Variants in ANO3 observed in about 807,000 individuals in gnomAD.
ANO3 encodes the protein anoctamin 3, also known as anoctamin-3.
A neutral mutation model predicts 144.8 loss-of-function variants in ANO3; 99 were observed. The ratio of observed to expected loss-of-function variants is 0.68; its 90% CI spans 0.58 to 0.81. The LOEUF (loss-of-function observed/expected upper bound fraction) is 0.81, where lower values mean the gene tolerates loss of function less well. Ranked by LOEUF, ANO3 falls within the 30% of genes least tolerant of loss-of-function variation. ANO3 has a pLI of 0.00. For synonymous variants in ANO3, 414 were observed against 392.6 expected (o/e 1.05, Z -0.64); for missense variants, 905 against 1,202.2 (o/e 0.75, Z 3.66).
chr11:26,309,683 AAG>A, exon 1 of ANO3: 1 of 985,328 alleles, frequency 1.0e-6, no homozygotes, highest in East Asian at 1.1e-4. Context: ...TGAGCTTGAG[AAG>A]AGTGTGTGGG....
At chr11:26,225,333 G>A (rs1412617814) in intron 1 of ANO3, among the ~76,000 whole-genome samples, 1 of 151,966 alleles carries the variant, frequency 6.6e-6, no homozygotes, top group Non-Finnish European at 1.5e-5. Flanking sequence ...GTATAAAAGG[G>A]AACATTTATT....
intron 26 of ANO3, among the ~76,000 whole-genome samples, chr11:26,659,198 C>G (rs527255815): frequency 6.6e-6 from 1 of 151,980 alleles, no homozygotes; most frequent in Non-Finnish European, 1.5e-5. Context: ...TTATGCCAAC[C>G]TTTAAGAAGT....
chr11:26,484,532 T>C (rs1005505401), intron 4 of ANO3, among the ~76,000 whole-genome samples: 1 of 152,116 alleles, frequency 6.6e-6, no homozygotes, highest in Non-Finnish European at 1.5e-5. Flanking sequence ...TGGAAATGCT[T>C]GGATGTCCAG....
intron 1 of ANO3, among the ~76,000 whole-genome samples, chr11:26,363,025 T>C (rs193251551): frequency 4.6e-4 from 70 of 152,302 alleles, no homozygotes; most frequent in African/African-American, 1.6e-3. Context: ...ATGAGATCTG[T>C]TAAATGCATG....
intron 17 of ANO3, among the ~76,000 whole-genome samples, chr11:26,620,686 G>T (rs1212517479): frequency 6.6e-6 from 1 of 152,070 alleles, no homozygotes; most frequent in Admixed American, 6.5e-5. Context: ...CTCCCTTGTT[G>T]ATCCATTCCC....
intron 23 of ANO3, 91 bp from the exon 24 acceptor site, chr11:26,647,618 A>G (rs1853390120): frequency 3.2e-6 from 4 of 1,265,188 alleles, no homozygotes; most frequent in African/African-American, 3.0e-5. Flanking sequence ...TGGTTCCAAC[A>G]TAAGTAAAAC....
intron 1 of ANO3, among the ~76,000 whole-genome samples, chr11:26,208,958 G>T (rs1019616342): frequency 3.3e-5 from 5 of 152,134 alleles, no homozygotes; most frequent in Non-Finnish European, 7.4e-5. Context: ...AAATGAAAAA[G>T]CTAACTTCAA....
chr11:26,627,819 G>GTA (rs1852637109), intron 18 of ANO3, among the ~76,000 whole-genome samples: 1 of 124,942 alleles, frequency 8.0e-6, no homozygotes, highest in South Asian at 2.6e-4. Context: ...AATCTAGTGT[G>GTA]TGTGTGTGTG....
intron 1 of ANO3, among the ~76,000 whole-genome samples, chr11:26,228,319 C>A (rs1280984959): frequency 1.3e-5 from 2 of 152,148 alleles, no homozygotes; most frequent in Non-Finnish European, 2.9e-5. Context: ...CAATTTATCC[C>A]CAGTGAAAGT....
At chr11:26,539,336 A>G (rs1349685701) in intron 10 of ANO3, among the ~76,000 whole-genome samples, 1 of 152,200 alleles carries the variant, frequency 6.6e-6, no homozygotes, top group African/African-American at 2.4e-5. Context: ...TGAGTGAGCA[A>G]GAATAATCAC....
At chr11:26,425,607 T>G (rs1857896723) in intron 1 of ANO3, among the ~76,000 whole-genome samples, 1 of 152,160 alleles carries the variant, frequency 6.6e-6, no homozygotes, top group Non-Finnish European at 1.5e-5. Flanking sequence ...ATATTCTGTC[T>G]GAAAAGTGAA....
intron 1 of ANO3, among the ~76,000 whole-genome samples, chr11:26,406,303 T>C (rs1024983899): frequency 5.3e-5 from 8 of 151,816 alleles, no homozygotes; most frequent in African/African-American, 1.9e-4. Flanking sequence ...TTCCCATTCA[T>C]GATACATAGC....
At chr11:26,423,825 G>A (rs12289490) in intron 1 of ANO3, among the ~76,000 whole-genome samples, 27,290 of 151,818 alleles carry the variant, frequency 0.18, 4,026 homozygotes, top group African/African-American at 0.41. Flanking sequence ...AGGAACTGTG[G>A]AGCATACTGA....
At chr11:26,523,038 G>A (rs1862147548) in intron 6 of ANO3, among the ~76,000 whole-genome samples, 1 of 152,148 alleles carries the variant, frequency 6.6e-6, no homozygotes, top group South Asian at 2.1e-4. Context: ...TGCATGGCTG[G>A]AAAGGCCTTG....
chr11:26,647,077 A>G (rs2133073234), intron 23 of ANO3, among the ~76,000 whole-genome samples: 1 of 152,284 alleles, frequency 6.6e-6, no homozygotes, highest in Admixed American at 6.5e-5. Flanking sequence ...ACATATTTTT[A>G]AAACTAAGTT....
intron 1 of ANO3, among the ~76,000 whole-genome samples, chr11:26,433,297 G>A (rs185137292): frequency 6.6e-6 from 1 of 152,282 alleles, no homozygotes; most frequent in African/African-American, 2.4e-5. Context: ...TTGGGTCTGA[G>A]ACTATGGAGT....
upstream of ANO3, chr11:26,332,012 T>C: frequency 9.9e-7 from 1 of 1,013,936 alleles, no homozygotes; most frequent in Non-Finnish European, 1.4e-6. Context: ...CACCCCTCAC[T>C]GTGGCACTGG....
chr11:26,451,225 C>A lies in ANO3; in HGVS notation c.313+7389C>A, dbSNP rs184922016. Among the ~76,000 whole-genome samples the A allele has an allele frequency of 3.7e-4, 57 of 152,304 alleles. 1 individual carries two copies. In the East Asian group the frequency reaches 0.011, roughly 30 times the overall value. On this transcript the variant is annotated intron_variant, in intron 3 of 26. Transcript: ENST00000256737. Reference sequence around the variant, plus strand: ...GTTCATCTCACTAGGGAGTGCCAGACAGTGGGCGCAGGTCAGTGGGTGCAG... The same window carrying A: ...GTTCATCTCACTAGGGAGTGCCAGAAAGTGGGCGCAGGTCAGTGGGTGCAG...
chr11:26,326,473 C>T (rs1390691402), intron 1 of ANO3, among the ~76,000 whole-genome samples: 1 of 152,076 alleles, frequency 6.6e-6, no homozygotes, highest in Non-Finnish European at 1.5e-5. Flanking sequence ...TTGCAGTCTG[C>T]TTTTATCAAC....
Sources: allele counts gnomAD v4.1 joint callset (sites outside exome capture counted in the v4.1 genomes callset), GRCh38; gene constraint gnomAD v4.1.1; transcripts MANE v1.5; gene names NCBI Gene and HGNC (gene_info 2026-07-23, HGNC 2026-07-21).